The following ZNF804A variants were observed in gnomAD, a reference collection of about 807,000 sequenced individuals.
ZNF804A encodes zinc finger protein 804A.
In ZNF804A, 2 loss-of-function variants were observed where a neutral mutation model predicts 16.5. The observed-to-expected ratio is 0.12, with a 90% confidence interval of 0.05 to 0.38. The LOEUF (loss-of-function observed/expected upper bound fraction) is 0.38, where lower values mean the gene tolerates loss of function less well. ZNF804A is among the 10% of genes least tolerant of loss of function. The pLI is 0.99. For synonymous variants in ZNF804A, 534 were observed against 489.6 expected, an observed-to-expected ratio of 1.09 and a Z score of -1.20; for missense variants, 1,473 against 1,390.7, an observed-to-expected ratio of 1.06 and a Z score of -0.94.
chr2:184,888,973 G>A (rs953307191), intron 2 of ZNF804A, among the ~76,000 whole-genome samples: 2 of 151,526 alleles, frequency 1.3e-5, no homozygotes, highest in Admixed American at 1.3e-4. Context: ...AAAAAAAAAC[G>A]TTTATTTTAC....
intron 1 of ZNF804A, among the ~76,000 whole-genome samples, chr2:184,745,928 G>A (rs1693783172): frequency 6.6e-6 from 1 of 151,194 alleles, no homozygotes; most frequent in South Asian, 2.1e-4. Context: ...AGTATATGCT[G>A]GTATTTTATG....
chr2:184,608,111 A>C (rs1691180480), intron 1 of ZNF804A, among the ~76,000 whole-genome samples: 1 of 150,476 alleles, frequency 6.6e-6, no homozygotes, highest in African/African-American at 2.4e-5. Context: ...ACGCCCGGCT[A>C]ATTTTTTGTA....
intron 2 of ZNF804A, among the ~76,000 whole-genome samples, chr2:184,883,296 C>T (rs1299164367): frequency 6.6e-6 from 1 of 151,812 alleles, no homozygotes; most frequent in East Asian, 1.9e-4. Context: ...GTGTACCAGC[C>T]AGAAAAAACC....
chr2:184,793,596 T>C (rs1393230122), intron 1 of ZNF804A, among the ~76,000 whole-genome samples: 2 of 152,130 alleles, frequency 1.3e-5, no homozygotes, highest in Non-Finnish European at 2.9e-5. Context: ...CATAGATTAT[T>C]GGGGAACAAG....
At chr2:184,790,696 T>G (rs942378254) in intron 1 of ZNF804A, among the ~76,000 whole-genome samples, 8 of 151,962 alleles carry the variant, frequency 5.3e-5, no homozygotes, top group African/African-American at 1.9e-4. Flanking sequence ...CTCCCCCTCC[T>G]AGGTTCACGC....
chr2:184,730,200 G>T (rs1202935010), intron 1 of ZNF804A, among the ~76,000 whole-genome samples: 3 of 151,674 alleles, frequency 2.0e-5, no homozygotes, highest in South Asian at 2.1e-4. Context: ...TCTTTAACTT[G>T]GTTACCATTT....
chr2:184,847,279 A>G (rs1695534658), intron 1 of ZNF804A, among the ~76,000 whole-genome samples: 1 of 150,104 alleles, frequency 6.7e-6, no homozygotes, highest in Non-Finnish European at 1.5e-5. Context: ...TTTCTGTGGA[A>G]TCTTTTTTAA....
intron 1 of ZNF804A, among the ~76,000 whole-genome samples, chr2:184,644,369 T>C (rs1266541793): frequency 6.6e-6 from 1 of 151,828 alleles, no homozygotes; most frequent in Admixed American, 6.6e-5. Flanking sequence ...TATTGTTTTA[T>C]TTTTTATATT....
chr2:184,736,791 A>G (rs776297917), intron 1 of ZNF804A, among the ~76,000 whole-genome samples: 18 of 151,840 alleles, frequency 1.2e-4, no homozygotes, highest in Non-Finnish European at 2.2e-4. Flanking sequence ...TTTTCTAATT[A>G]GGTGATCTCA....
intron 2 of ZNF804A, among the ~76,000 whole-genome samples, chr2:184,876,295 G>C: frequency 6.6e-6 from 1 of 152,092 alleles, no homozygotes; most frequent in East Asian, 1.9e-4. Context: ...ATATTCATTT[G>C]TGGGGAAAAA....
At chr2:184,636,822 T>C (rs944019758) in intron 1 of ZNF804A, among the ~76,000 whole-genome samples, 1 of 152,130 alleles carries the variant, frequency 6.6e-6, no homozygotes, top group Non-Finnish European at 1.5e-5. Context: ...AGAATTTGGA[T>C]CAATGTATAA....
chr2:184,682,661 A>G (rs866247038), intron 1 of ZNF804A, among the ~76,000 whole-genome samples: 5 of 152,212 alleles, frequency 3.3e-5, no homozygotes, highest in Admixed American at 6.5e-5. Flanking sequence ...TAACTCTGTC[A>G]TTCGATATGC....
chr2:184,798,847 C>G (rs891159036), intron 1 of ZNF804A, among the ~76,000 whole-genome samples: 2 of 152,036 alleles, frequency 1.3e-5, no homozygotes, highest in East Asian at 3.9e-4. Flanking sequence ...TTGGTTCCTT[C>G]TCATTTGAGT....
At chr2:184,831,264 A>G (rs1208084355) in intron 1 of ZNF804A, among the ~76,000 whole-genome samples, 1 of 151,628 alleles carries the variant, frequency 6.6e-6, no homozygotes, top group Non-Finnish European at 1.5e-5. Flanking sequence ...GATTTTGAAA[A>G]TTAATATTAA....
At chr2:184,864,875 ATT>A (rs34114485) in intron 1 of ZNF804A, among the ~76,000 whole-genome samples, 13 of 105,464 alleles carry the variant, frequency 1.2e-4, no homozygotes, top group Admixed American at 2.0e-4. Flanking sequence ...TATAGTTAGG[ATT>A]TTTTTTTTTT....
At chr2:184,821,676 T>C (rs958077858) in intron 1 of ZNF804A, among the ~76,000 whole-genome samples, 2 of 152,178 alleles carry the variant, frequency 1.3e-5, no homozygotes, top group Non-Finnish European at 2.9e-5. Flanking sequence ...GATAAAAGTC[T>C]AGTATCCAGA....
At chr2:184,642,313 G>A (rs1366199572) in intron 1 of ZNF804A, among the ~76,000 whole-genome samples, 1 of 151,998 alleles carries the variant, frequency 6.6e-6, no homozygotes, top group African/African-American at 2.4e-5. Context: ...TCCTCAAGTA[G>A]CAATTACTCA....
At chr2:184,681,747 G>C (rs1692544119) in intron 1 of ZNF804A, among the ~76,000 whole-genome samples, 1 of 152,206 alleles carries the variant, frequency 6.6e-6, no homozygotes, top group South Asian at 2.1e-4. Flanking sequence ...GAACAGGAGG[G>C]AGTCCCACCT....
chr2:184,902,690 G>A (rs1685206064), intron 2 of ZNF804A: 1 of 152,052 alleles, frequency 6.6e-6, no homozygotes, highest in Admixed American at 6.6e-5. Flanking sequence ...CTCAAGTTCT[G>A]GTTGAGTTGT....
Sources: allele counts gnomAD v4.1 joint callset (sites outside exome capture counted in the v4.1 genomes callset), GRCh38; gene constraint gnomAD v4.1.1; transcripts MANE v1.5; gene names NCBI Gene and HGNC (gene_info 2026-07-23, HGNC 2026-07-21).